PDE2A: variants seen among roughly 807,000 people sequenced by gnomAD.
PDE2A encodes the protein phosphodiesterase 2A.
Under a neutral mutation model 133.6 loss-of-function variants are expected in PDE2A, and 53 were observed. The ratio of observed to expected loss-of-function variants is 0.40; its 90% confidence interval spans 0.32 to 0.50. The LOEUF is 0.50. PDE2A is among the 20% of genes least tolerant of loss of function. PDE2A has a pLI of 0.73. For missense variants in PDE2A, 796 were observed against 1,232.4 expected (o/e 0.65, Z 5.30); for synonymous variants, 491 against 490.2 (o/e 1.00, Z -0.02).
intron 2 of PDE2A, among the ~76,000 whole-genome samples, chr11:72,616,869 G>A (rs537894138): frequency 2.0e-5 from 3 of 152,316 alleles, no homozygotes; most frequent in East Asian, 3.9e-4. Flanking sequence ...GCCTTCCTGC[G>A]TGGTCACCTG....
intron 2 of PDE2A, among the ~76,000 whole-genome samples, chr11:72,640,167 C>T (rs931929599): frequency 6.6e-6 from 1 of 152,046 alleles, no homozygotes; most frequent in Non-Finnish European, 1.5e-5. Context: ...ACCACACTCA[C>T]ACCGTCTCCC....
intron 2 of PDE2A, among the ~76,000 whole-genome samples, chr11:72,636,296 G>A (rs182364418): frequency 2.0e-5 from 3 of 152,346 alleles, no homozygotes; most frequent in Admixed American, 6.5e-5. Flanking sequence ...GAACAATCAC[G>A]CATGTTTAGC....
intron 2 of PDE2A, chr11:72,631,037 C>T: frequency 7.0e-7 from 1 of 1,428,526 alleles, no homozygotes; most frequent in Non-Finnish European, 9.7e-7. Flanking sequence ...TGCGCCCCAC[C>T]CCCTCAAGCC....
chr11:72,577,198 G>T lies in PDE2A; in HGVS notation c.*186C>A. Reference sequence around the variant, plus strand: ...AAACAAATTACAAAGTCTCCGTGAGGTTGGAAGTCTTGCTTCCATTATACA... The same window carrying T: ...AAACAAATTACAAAGTCTCCGTGAGTTTGGAAGTCTTGCTTCCATTATACA... On this transcript the variant is annotated 3_prime_UTR_variant, in exon 31 of 31. Transcript: ENST00000334456. 2 of 589,506 alleles carry T rather than the reference G, an allele frequency of 3.4e-6. No homozygotes were observed. Among genetic ancestry groups the T allele is most frequent in the South Asian group, 4.3e-5 (2 of 46,230 alleles). 36.5% of individuals were successfully genotyped at this position (589,506 alleles called of 1,614,324 possible). A position where few individuals can be genotyped will look rare whatever the true frequency, so the allele number is the denominator to read the frequency against.
intron 2 of PDE2A, among the ~76,000 whole-genome samples, chr11:72,616,334 C>A (rs1671383553): frequency 6.6e-6 from 1 of 152,232 alleles, no homozygotes; most frequent in East Asian, 1.9e-4. Context: ...CTTTCCCCCA[C>A]CATGGCATGC....
intron 19 of PDE2A, 74 bp downstream of exon 19, chr11:72,584,124 CGGA>C (rs1347543698): frequency 5.3e-6 from 4 of 761,364 alleles, no homozygotes; most frequent in Non-Finnish European, 8.9e-6. Flanking sequence ...GAGAGTCAGT[CGGA>C]GGAGGAGAAC....
At chr11:72,607,506 C>T (rs1348919664) in intron 3 of PDE2A, among the ~76,000 whole-genome samples, 1 of 152,142 alleles carries the variant, frequency 6.6e-6, no homozygotes, top group Non-Finnish European at 1.5e-5. Flanking sequence ...CACTTCCTAC[C>T]AATTTCACAC....
chr11:72,592,612 G>A lies in PDE2A; in HGVS notation c.490-1256C>T, dbSNP rs149144010. ...CCAGGACACTGGCGGTAGGTGGTGC[G>A]GGGAGATGAGGATCCAGGTAGGGGT... is the stretch of plus-strand genomic sequence containing the variant. On this transcript the variant is annotated intron_variant, in intron 6 of 30. Transcript: ENST00000334456. 1.5e-3 allele frequency among the ~76,000 whole-genome samples: 231 copies of A among 152,290 alleles called. 1 individual carries two copies. The highest frequency in any genetic ancestry group is 5.2e-3 in the African/African-American group (218 of 41,544).
chr11:72,671,180 A>T (rs1855375724), intron 1 of PDE2A, among the ~76,000 whole-genome samples: 1 of 152,022 alleles, frequency 6.6e-6, no homozygotes, highest in South Asian at 2.1e-4. Flanking sequence ...CTCACCCTGT[A>T]GGGTTGCAGC....
intron 4 of PDE2A, among the ~76,000 whole-genome samples, chr11:72,603,059 C>A (rs1004876368): frequency 1.3e-5 from 2 of 152,208 alleles, no homozygotes; most frequent in Admixed American, 1.3e-4. Flanking sequence ...CCTGGCAAGC[C>A]ACTCACCTTT....
At chr11:72,600,485 C>T (rs1011461245) in intron 4 of PDE2A, among the ~76,000 whole-genome samples, 48 of 152,184 alleles carry the variant, frequency 3.2e-4, no homozygotes, top group African/African-American at 1.1e-3. Flanking sequence ...CTCAACCTAC[C>T]CCCATGGGAG....
intron 25 of PDE2A, chr11:72,580,003 G>C (rs1000905977): frequency 1.4e-5 from 3 of 213,214 alleles, no homozygotes; most frequent in Non-Finnish European, 2.8e-5. Context: ...GATGCTGAAG[G>C]GCTGTCACTC....
chr11:72,582,679 G>A (rs1220377401), intron 20 of PDE2A, 113 bp from the exon 21 acceptor site: 3 of 1,070,188 alleles, frequency 2.8e-6, no homozygotes, highest in South Asian at 1.6e-5. Flanking sequence ...ACCACAGTTG[G>A]GCCACCACGC....
At position 72,579,516 on chromosome 11, in the gene PDE2A, C is replaced by CA; in HGVS notation, c.2256+17dup. ...CCCAGCTCCCCCTCAATCCCCACCC[C>CA]ACCCCCAACCCCATCACCTTCCGGG... On this transcript the variant is annotated intron_variant, in intron 26 of 30. Coordinates refer to ENST00000334456, the MANE Select transcript of PDE2A (RefSeq NM_002599.5). 6.8e-7 allele frequency: 1 copy of CA among 1,477,938 alleles called. No homozygotes were observed. 91.6% of individuals were successfully genotyped at this position (1,477,938 alleles called of 1,614,324 possible).
At chr11:72,665,715 C>T (rs1855215053) in intron 1 of PDE2A, among the ~76,000 whole-genome samples, 7 of 152,112 alleles carry the variant, frequency 4.6e-5, no homozygotes. Context: ...CATGCCTCCC[C>T]ACTATGGGCA....
rs1393339961 is a variant in PDE2A at position 72,664,320 on chromosome 11, G to T, written c.71+9817C>A. ...GTCTTCAGTTAAACCATTTAAGTTT[G>T]TCATCTGTTTCCCCTCTACAAAATA... On this transcript the variant is annotated intron_variant, in intron 1 of 30. Coordinates refer to ENST00000334456, the MANE Select transcript of PDE2A (RefSeq NM_002599.5). 8.4e-5 allele frequency among the ~76,000 whole-genome samples: 12 copies of T among 142,922 alleles called. No homozygotes were observed. The Admixed American group carries it at 8.5e-4, about 10-fold the overall frequency. 93.8% of individuals were successfully genotyped at this position (142,922 alleles called of 152,430 possible). A position where few individuals can be genotyped will look rare whatever the true frequency, so the allele number is the denominator to read the frequency against.
At chr11:72,669,852 C>A (rs1176735163) in intron 1 of PDE2A, among the ~76,000 whole-genome samples, 1 of 152,224 alleles carries the variant, frequency 6.6e-6, no homozygotes, top group Admixed American at 6.5e-5. Flanking sequence ...TCACTGAACA[C>A]CCCTTTCTCA....
chr11:72,611,056 T>C (rs1857191885), intron 2 of PDE2A, among the ~76,000 whole-genome samples: 1 of 152,172 alleles, frequency 6.6e-6, no homozygotes, highest in South Asian at 2.1e-4. Flanking sequence ...GTGGTGTTGG[T>C]TTGTGTCTAT....
intron 2 of PDE2A, among the ~76,000 whole-genome samples, chr11:72,635,797 C>T (rs1310918531): frequency 1.3e-5 from 2 of 152,238 alleles, no homozygotes; most frequent in African/African-American, 2.4e-5. Context: ...CGGACCTCAG[C>T]ATTCTGATAA....
Sources: allele counts gnomAD v4.1 joint callset (sites outside exome capture counted in the v4.1 genomes callset), GRCh38; gene constraint gnomAD v4.1.1; transcripts MANE v1.5; gene names NCBI Gene and HGNC (gene_info 2026-07-23, HGNC 2026-07-21).